RANBP2: variants seen among roughly 807,000 people sequenced by gnomAD.
The protein encoded by RANBP2 is RAN binding protein 2.
RANBP2 carries 57 observed loss-of-function variants against 303.6 expected under a neutral mutation model. The ratio of observed to expected loss-of-function variants is 0.19; its 90% confidence interval spans 0.15 to 0.23. The LOEUF (loss-of-function observed/expected upper bound fraction) is 0.23. Ranked by LOEUF, RANBP2 falls within the 10% of genes least tolerant of loss-of-function variation. The probability of loss-of-function intolerance (pLI) is 1.00; values close to 1 mark genes in which losing one functional copy is unlikely to be tolerated. For missense variants in RANBP2, 3,138 were observed against 3,780.8 expected (o/e 0.83, Z 4.46); for synonymous variants, 1,167 against 1,301.5 (o/e 0.90, Z 2.23).
chr2:109,226,992 C>G, the RANBP2 span, among the ~76,000 whole-genome samples: 767 of 152,292 alleles, frequency 5.0e-3, 5 homozygotes, highest in African/African-American at 0.018. Context: ...TGGTCTCTTT[C>G]TAGCTCTGGG....
chr2:109,398,375 T>C, the RANBP2 span, among the ~76,000 whole-genome samples: 1 of 152,178 alleles, frequency 6.6e-6, no homozygotes, highest in East Asian at 1.9e-4. Context: ...GTCCCCTCTC[T>C]CCATCATGGC....
At chr2:109,353,819 C>T in the RANBP2 span, among the ~76,000 whole-genome samples, 2 of 152,126 alleles carry the variant, frequency 1.3e-5, no homozygotes, top group East Asian at 1.9e-4. Context: ...TGGGAGCTGC[C>T]GGCAGTGAGA....
chr2:109,735,932 A>C, the RANBP2 span, among the ~76,000 whole-genome samples: 1 of 152,196 alleles, frequency 6.6e-6, no homozygotes, highest in African/African-American at 2.4e-5. Context: ...TGAAATTGCA[A>C]AGCCTCAACA....
chr2:108,788,733 GAAA>G (rs1206460775), downstream of RANBP2: 58 of 1,377,676 alleles, frequency 4.2e-5, no homozygotes, highest in Admixed American at 4.5e-4. Context: ...GAAAAAAAAA[GAAA>G]AAAAAATTTG....
the RANBP2 span, among the ~76,000 whole-genome samples, chr2:109,360,172 T>C: frequency 6.6e-6 from 1 of 152,192 alleles, no homozygotes; most frequent in Non-Finnish European, 1.5e-5. Flanking sequence ...TAACAGCTGA[T>C]ACAGGTATTC....
chr2:109,638,761 T>C, the RANBP2 span, among the ~76,000 whole-genome samples: 19 of 152,170 alleles, frequency 1.2e-4, no homozygotes, highest in Admixed American at 4.6e-4. Flanking sequence ...GGCTCATTCA[T>C]GGGGGCTTGA....
chr2:108,745,752 G>A (rs1022450019), intron 7 of RANBP2, among the ~76,000 whole-genome samples: 71 of 151,394 alleles, frequency 4.7e-4, no homozygotes, highest in African/African-American at 1.7e-3. Context: ...TTTAAAGTAG[G>A]GTGTCATATC....
chr2:108,966,083 T>C, the RANBP2 span, among the ~76,000 whole-genome samples: 1 of 152,170 alleles, frequency 6.6e-6, no homozygotes, highest in African/African-American at 2.4e-5. Flanking sequence ...TAAAGCAGTT[T>C]ATAGCCTTGG....
chr2:109,145,937 C>T, the RANBP2 span, among the ~76,000 whole-genome samples: 1 of 152,152 alleles, frequency 6.6e-6, no homozygotes. Flanking sequence ...GTTCATGTCT[C>T]CCTCCCCACA....
chr2:109,137,264 T>A, the RANBP2 span, among the ~76,000 whole-genome samples: 1,189 of 152,342 alleles, frequency 7.8e-3, 12 homozygotes, highest in East Asian at 0.033. Flanking sequence ...TAGTCTAGAT[T>A]TGCCAAATGA....
At chr2:108,772,771 G>A (rs768773860) in intron 22 of RANBP2, 97 bp from the exon 23 acceptor site, 217 of 1,352,786 alleles carry the variant, frequency 1.6e-4, no homozygotes, top group Non-Finnish European at 2.1e-4. Flanking sequence ...TACAGGTCTT[G>A]TTACCTGGGT....
the RANBP2 span, among the ~76,000 whole-genome samples, chr2:109,601,132 A>G: frequency 8.5e-5 from 13 of 152,166 alleles, no homozygotes; most frequent in African/African-American, 3.1e-4. Context: ...ACCACTGGTC[A>G]CTGGTATCAA....
the RANBP2 span, among the ~76,000 whole-genome samples, chr2:108,857,670 T>G: frequency 6.6e-6 from 1 of 152,230 alleles, no homozygotes; most frequent in African/African-American, 2.4e-5. Context: ...GATGACTAGC[T>G]ACCTAGATTA....
At chr2:109,287,746 C>G in the RANBP2 span, among the ~76,000 whole-genome samples, 2 of 152,238 alleles carry the variant, frequency 1.3e-5, no homozygotes, top group African/African-American at 4.8e-5. Flanking sequence ...TCTGTGGCCT[C>G]TGCAGAGCTT....
intron 7 of RANBP2, among the ~76,000 whole-genome samples, chr2:108,745,809 G>A (rs1178413472): frequency 2.0e-5 from 3 of 151,634 alleles, no homozygotes; most frequent in East Asian, 1.9e-4. Context: ...ATGCAGGGTC[G>A]AAAAGTAATG....
chr2:109,690,703 A>G, the RANBP2 span, among the ~76,000 whole-genome samples: 1 of 151,272 alleles, frequency 6.6e-6, no homozygotes, highest in Non-Finnish European at 1.5e-5. Context: ...GGCCTTCCAG[A>G]CGTTCACCAT....
the RANBP2 span, chr2:109,545,605 C>A: frequency 6.5e-7 from 1 of 1,531,908 alleles, no homozygotes. Flanking sequence ...AAAACTGAAC[C>A]TAAGAATTAA....
At chr2:109,087,991 G>A in the RANBP2 span, among the ~76,000 whole-genome samples, 3 of 152,204 alleles carry the variant, frequency 2.0e-5, no homozygotes, top group Admixed American at 6.5e-5. Context: ...TCGGCCGGGC[G>A]CGTTGGCTCA....
At chr2:108,923,966 C>T in the RANBP2 span, among the ~76,000 whole-genome samples, 1 of 152,254 alleles carries the variant, frequency 6.6e-6, no homozygotes, top group Non-Finnish European at 1.5e-5. Flanking sequence ...CAGAGTGCAG[C>T]TGCAGGAGAC....
Sources: gnomAD v4.1 joint callset for allele counts (sites outside exome capture counted in the v4.1 genomes callset) on GRCh38, gnomAD v4.1.1 for gene constraint, MANE v1.5 for transcripts, NCBI Gene and HGNC (gene_info 2026-07-23, HGNC 2026-07-21) for gene names.